FBXO38: variants seen among roughly 807,000 people sequenced by gnomAD.
FBXO38 encodes the protein F-box protein 38.
In FBXO38, 53 loss-of-function variants were observed where a neutral mutation model predicts 131.9. The ratio of observed to expected loss-of-function variants is 0.40; its 90% CI spans 0.32 to 0.51. The LOEUF is 0.51. FBXO38 is among the 20% of genes least tolerant of loss of function. FBXO38 has a pLI of 0.53. For missense variants in FBXO38, 1,076 were observed against 1,475.6 expected (o/e 0.73, Z 4.44); for synonymous variants, 452 against 505.6 (o/e 0.89, Z 1.42).
intron 5 of FBXO38, among the ~76,000 whole-genome samples, chr5:148,403,135 T>C (rs1258257028): frequency 6.6e-6 from 1 of 152,112 alleles, no homozygotes; most frequent in Non-Finnish European, 1.5e-5. Context: ...GATTTTTAGA[T>C]GTAAAAGGAT....
chr5:148,434,259 A>C (rs1395747319), intron 17 of FBXO38: 1 of 152,162 alleles, frequency 6.6e-6, no homozygotes, highest in Admixed American at 6.5e-5. Context: ...TCGTGTATTA[A>C]ATATATTAAA....
At chr5:148,399,774 C>A (rs1752037171) in intron 3 of FBXO38, among the ~76,000 whole-genome samples, 1 of 152,106 alleles carries the variant, frequency 6.6e-6, no homozygotes, top group Admixed American at 6.5e-5. Context: ...ATTAAGGCTT[C>A]TTTTCACTTA....
chr5:148,406,298 T>C lies in FBXO38; in HGVS notation c.772T>C (p.Leu258=). 3.7e-6 allele frequency: 6 copies of C among 1,610,272 alleles called. No homozygotes were observed. Among genetic ancestry groups the C allele is most frequent in the Non-Finnish European group, 5.1e-6 (6 of 1,178,280 alleles). ...GAAATATGTCCCTTTAGTAACAGGC[T>C]TAGCCTCTGCCCGAAACTTGGAACA... ...SLKYVPLVTG[L]ASARNLEHLE... Residue 258 remains leucine (L), a synonymous_variant, in exon 7 of 22, where the codon TTA becomes CTA. Coordinates refer to ENST00000340253, the MANE Select transcript of FBXO38 (RefSeq NM_205836.3).
At chr5:148,415,120 C>T (rs1286098115) in intron 10 of FBXO38, among the ~76,000 whole-genome samples, 6 of 152,066 alleles carry the variant, frequency 3.9e-5, no homozygotes, top group Non-Finnish European at 8.8e-5. Flanking sequence ...AAATTCTATC[C>T]CTGGCCCTGC....
At chr5:148,417,409 T>TGGGA (rs1561531731) in intron 12 of FBXO38, among the ~76,000 whole-genome samples, 5 of 152,108 alleles carry the variant, frequency 3.3e-5, no homozygotes, top group Non-Finnish European at 7.4e-5. Flanking sequence ...ACAGACCCTA[T>TGGGA]AAGAATACCT....
At chr5:148,389,956 G>A (rs988352988) in intron 1 of FBXO38, 2 of 152,104 alleles carry the variant, frequency 1.3e-5, no homozygotes, top group African/African-American at 4.8e-5. Context: ...TTCAACCCAG[G>A]AGGCAGAAGT....
chr5:148,425,054 T>A (rs948909890), intron 13 of FBXO38, among the ~76,000 whole-genome samples: 4 of 152,218 alleles, frequency 2.6e-5, no homozygotes, highest in Non-Finnish European at 5.9e-5. Flanking sequence ...ATGAGATAGA[T>A]CTATACTCAA....
At chr5:148,406,068 C>G (rs1449826948) in intron 6 of FBXO38, among the ~76,000 whole-genome samples, 189 bp from the exon 7 acceptor site, 1 of 152,132 alleles carries the variant, frequency 6.6e-6, no homozygotes, top group Non-Finnish European at 1.5e-5. Context: ...ACTGAAAAAC[C>G]TTTATGCTGA....
At position 148,402,120 on chromosome 5, in the gene FBXO38, C is replaced by T; in HGVS notation, c.401C>T (p.Ala134Val). 6.2e-7 allele frequency: 1 copy of T among 1,612,804 alleles called. No individual in the cohort carries two copies. Among genetic ancestry groups the T allele is most frequent in the Non-Finnish European group, 8.5e-7 (1 of 1,179,066 alleles). ...TTTAGCATTCCAGGAGTCCTAGAAG[C>T]TTTGCAGGCATGCCCAAACTTAGTG... ...EAFSIPGVLE[A>V]LQACPNLVGV... The change falls in exon 4 of 22, where the codon GCT becomes GTT. Residue 134 changes from alanine (A) to valine (V), a missense_variant. By Grantham distance (64) the Ala-to-Val change is moderately conservative. Coordinates refer to ENST00000340253, the MANE Select transcript of FBXO38 (RefSeq NM_205836.3).
In FBXO38 at chr5:148,402,040, A is replaced by G. The variant is rs1480766199; in HGVS notation, c.321A>G (p.Leu107=). 5 of 1,613,538 alleles carry G rather than the reference A, an allele frequency of 3.1e-6. No individual in the cohort carries two copies. Among genetic ancestry groups the G allele is most frequent in the African/African-American group, 1.3e-5 (1 of 74,894 alleles). Residue 107 remains leucine (L), a synonymous_variant, in exon 4 of 22, where the codon CTA becomes CTG. Transcript: ENST00000340253. ...LLKKMPDVEQ[L]YGLHPRYLER... ...AGAAGATGCCAGATGTTGAACAGCT[A>G]TATGGCCTTCACCCTCGATACCTTG...
rs1754743175 is a variant in FBXO38, at chr5:148,442,421, G to A, written c.*274G>A. ...AAGACAGATAATTTGAAAGACTTTT[G>A]TTTTTCTTGACTTAATTCATGAAGT... On this transcript the variant is annotated 3_prime_UTR_variant, in exon 22 of 22. Transcript: ENST00000340253. 2 of 234,652 alleles carry A rather than the reference G, an allele frequency of 8.5e-6. No homozygotes were observed. The highest frequency in any genetic ancestry group is 4.5e-5 in the African/African-American group (2 of 44,562). The allele number at this position is 234,652 out of a possible 1,614,324, so 14.5% of individuals were successfully genotyped here.
chr5:148,398,019 C>T (rs1368520860), intron 2 of FBXO38, among the ~76,000 whole-genome samples: 1 of 152,056 alleles, frequency 6.6e-6, no homozygotes, highest in African/African-American at 2.4e-5. Flanking sequence ...GCAGCATTGC[C>T]ACCTGGAGCC....
At position 148,433,415 on chromosome 5, in the gene FBXO38, CT is replaced by C; in HGVS notation, c.2654-3del. 1.3e-6 allele frequency: 2 copies of C among 1,595,292 alleles called. No individual in the cohort carries two copies. Among genetic ancestry groups the C allele is most frequent in the Non-Finnish European group, 1.7e-6 (2 of 1,172,958 alleles). On this transcript the variant is annotated splice_region_variant and splice_polypyrimidine_tract_variant and intron_variant, in intron 15 of 21. Coordinates refer to ENST00000340253, the MANE Select transcript of FBXO38 (RefSeq NM_205836.3). ...AAATTTGGATTTTCTTTTTTTTTGC[CT>C]TTTTTAGAAGTAGCCAAAACAAAGC...
chr5:148,430,048 T>G (rs1173621327), intron 15 of FBXO38: 1 of 151,604 alleles, frequency 6.6e-6, no homozygotes, highest in African/African-American at 2.4e-5. Context: ...TAGTATTTTT[T>G]TGGGGGAGAT....
chr5:148,439,146 A>G (rs1754523557), intron 18 of FBXO38, among the ~76,000 whole-genome samples: 1 of 152,196 alleles, frequency 6.6e-6, no homozygotes, highest in Non-Finnish European at 1.5e-5. Flanking sequence ...ACAAACACTT[A>G]TGCCACGCAG....
intron 2 of FBXO38, among the ~76,000 whole-genome samples, chr5:148,395,105 G>A (rs894749563): frequency 6.6e-6 from 1 of 152,152 alleles, no homozygotes; most frequent in African/African-American, 2.4e-5. Context: ...ACGGTGTATA[G>A]GACAACAGAG....
intron 18 of FBXO38, 97 bp from the exon 19 acceptor site, chr5:148,439,550 A>G (rs566442367): frequency 2.6e-6 from 3 of 1,144,430 alleles, no homozygotes; most frequent in Non-Finnish European, 3.7e-6. Flanking sequence ...AGAGATTTCA[A>G]AACTGAAGGT....
rs1561551063 is a variant in FBXO38 at position 148,441,971 on chromosome 5, A to C, written c.3391A>C (p.Thr1131Pro). 6.2e-7 allele frequency: 1 copy of C among 1,607,582 alleles called. No individual in the cohort carries two copies. Among genetic ancestry groups the C allele is most frequent in the Non-Finnish European group, 8.5e-7 (1 of 1,177,644 alleles). ...TCCTTTTATTTCTAATTTCAAAGGCACTATCTATGCTCCTAGAAGGAAAGG... is the reference window on the plus strand; with the variant it reads ...TCCTTTTATTTCTAATTTCAAAGGCCCTATCTATGCTCCTAGAAGGAAAGG... ...RYDFEDDEES[T>P]IYAPRRKGQL... is the part of the protein sequence containing the mutation. Residue 1131 changes from threonine to proline, a missense_variant and splice_region_variant, in exon 22 of 22, where the codon ACT (threonine) becomes CCT (proline). Physicochemically the swap from Thr to Pro is conservative, Grantham distance 38. Coordinates refer to ENST00000340253, the MANE Select transcript of FBXO38 (RefSeq NM_205836.3).
At chr5:148,413,855 T>C (rs908539996) in intron 9 of FBXO38, 12 of 278,224 alleles carry the variant, frequency 4.3e-5, no homozygotes, top group East Asian at 3.8e-4. Flanking sequence ...CCTTCACTTA[T>C]GCTTTAAGAA....
Sources: gnomAD v4.1 joint callset for allele counts (sites outside exome capture counted in the v4.1 genomes callset) on GRCh38, gnomAD v4.1.1 for gene constraint, MANE v1.5 for transcripts, NCBI Gene and HGNC (gene_info 2026-07-23, HGNC 2026-07-21) for gene names.